The following DYNC1I1 variants were observed in gnomAD, a reference collection of about 807,000 sequenced individuals.
DYNC1I1 encodes the protein cytoplasmic dynein 1 intermediate chain 1.
DYNC1I1 carries 43 observed loss-of-function variants against 86.6 expected under a neutral mutation model. The ratio of observed to expected loss-of-function variants is 0.50; its 90% CI spans 0.39 to 0.64. The LOEUF (loss-of-function observed/expected upper bound fraction) is 0.64. Ranked by LOEUF, DYNC1I1 falls within the 30% of genes least tolerant of loss-of-function variation. The probability of loss-of-function intolerance (pLI) is 0.00; values close to 1 mark genes in which losing one functional copy is unlikely to be tolerated. For synonymous variants in DYNC1I1, 262 were observed against 283.7 expected, an observed-to-expected ratio of 0.92 and a Z score of 0.77; for missense variants, 604 against 788.8, an observed-to-expected ratio of 0.77 and a Z score of 2.81.
intron 14 of DYNC1I1, among the ~76,000 whole-genome samples, chr7:96,069,844 T>C (rs1790108705): frequency 6.6e-6 from 1 of 152,226 alleles, no homozygotes; most frequent in Non-Finnish European, 1.5e-5. Flanking sequence ...GTGGCTTCAG[T>C]ACTTATTTAG....
At position 96,076,112 on chromosome 7, in the gene DYNC1I1, T is replaced by C. The variant is rs762146134; in HGVS notation, c.1565T>C (p.Met522Thr). The change falls in exon 15 of 17, where the codon ATG becomes ACG. Residue 522 changes from methionine (M) to threonine (T), a missense_variant. Met to Thr is a moderately conservative substitution (Grantham distance 81). Coordinates refer to ENST00000447467, the MANE Select transcript of DYNC1I1 (RefSeq NM_001135556.2). ...AATGCAGACTATGTGTACGATGTCA[T>C]GTGGTCCCCCGTGCATCCTGCGCTT... is the stretch of plus-strand genomic sequence containing the variant. ...EDNADYVYDV[M>T]WSPVHPALFA... The C allele has an allele frequency of 3.1e-6, 5 of 1,614,228 alleles. No homozygotes were observed. The highest frequency in any genetic ancestry group is 1.6e-4 in the Middle Eastern group (1 of 6,062).
intron 10 of DYNC1I1, among the ~76,000 whole-genome samples, chr7:96,008,098 A>G (rs1794186503): frequency 1.3e-5 from 2 of 152,212 alleles, no homozygotes; most frequent in Non-Finnish European, 2.9e-5. Flanking sequence ...CATGAACAAC[A>G]AACCCATATT....
At chr7:95,860,896 A>G in intron 5 of DYNC1I1, among the ~76,000 whole-genome samples, 1 of 152,086 alleles carries the variant, frequency 6.6e-6, no homozygotes, top group East Asian at 1.9e-4. Flanking sequence ...TCATGATGTA[A>G]TTACTTTCTA....
chr7:95,934,559 T>C (rs1791988756), intron 6 of DYNC1I1, among the ~76,000 whole-genome samples: 1 of 151,980 alleles, frequency 6.6e-6, no homozygotes, highest in African/African-American at 2.4e-5. Flanking sequence ...TAGTTTGTTG[T>C]CTTGGCTTCA....
chr7:96,005,445 C>T (rs970284958), intron 10 of DYNC1I1, among the ~76,000 whole-genome samples: 1 of 152,096 alleles, frequency 6.6e-6, no homozygotes, highest in African/African-American at 2.4e-5. Context: ...GGTGGGCGCT[C>T]TTTGTGAACA....
intron 6 of DYNC1I1, among the ~76,000 whole-genome samples, chr7:95,909,429 G>A (rs1194121059): frequency 1.3e-5 from 2 of 151,950 alleles, no homozygotes; most frequent in Admixed American, 1.3e-4. Context: ...GTGTTTATTG[G>A]GCATCTTCTG....
At position 95,810,444 on chromosome 7, in the gene DYNC1I1, G is replaced by T. The variant is rs377495263; in HGVS notation, c.161G>T (p.Arg54Leu). 6.2e-7 allele frequency: 1 copy of T among 1,612,950 alleles called. No individual in the cohort carries two copies. The highest frequency in any genetic ancestry group is 8.5e-7 in the Non-Finnish European group (1 of 1,179,324). ...EPVQDDSDLD[R>L]KRRETEALLQ... is the part of the protein sequence containing the mutation. Reference sequence around the variant, plus strand: ...GTTCAGGACGACTCTGATCTGGATCGCAAACGACGAGAGACAGAGGCTTTG... The same window carrying T: ...GTTCAGGACGACTCTGATCTGGATCTCAAACGACGAGAGACAGAGGCTTTG... Residue 54 changes from arginine to leucine, a missense_variant, in exon 3 of 17, where the codon CGC becomes CTC. Physicochemically the swap from Arg to Leu is moderately radical, Grantham distance 102. Transcript: ENST00000447467.
chr7:95,961,174 G>T (rs1792857376), intron 6 of DYNC1I1, among the ~76,000 whole-genome samples: 1 of 152,162 alleles, frequency 6.6e-6, no homozygotes, highest in African/African-American at 2.4e-5. Flanking sequence ...CATTGGAATT[G>T]GGGCTTCTCT....
intron 16 of DYNC1I1, among the ~76,000 whole-genome samples, chr7:96,082,035 C>T (rs1790535590): frequency 1.3e-5 from 2 of 152,160 alleles, no homozygotes; most frequent in South Asian, 4.1e-4. Flanking sequence ...ATATTGGCCC[C>T]AGTGGTGAAG....
intron 5 of DYNC1I1, among the ~76,000 whole-genome samples, chr7:95,857,081 G>T (rs967415778): frequency 6.6e-6 from 1 of 152,206 alleles, no homozygotes; most frequent in Non-Finnish European, 1.5e-5. Flanking sequence ...TGATGTCATG[G>T]AGAAGACGCT....
intron 9 of DYNC1I1, among the ~76,000 whole-genome samples, chr7:95,992,534 G>C (rs546005812): frequency 6.6e-6 from 1 of 152,000 alleles, no homozygotes; most frequent in Non-Finnish European, 1.5e-5. Flanking sequence ...TACCTTAGAG[G>C]GTTATGAGGA....
At chr7:95,794,444 C>A (rs1794385579) in intron 1 of DYNC1I1, among the ~76,000 whole-genome samples, 1 of 152,126 alleles carries the variant, frequency 6.6e-6, no homozygotes, top group African/African-American at 2.4e-5. Flanking sequence ...CAAAGAGAAG[C>A]ATATTGAATC....
chr7:95,963,246 C>T (rs1792920960), intron 6 of DYNC1I1, among the ~76,000 whole-genome samples: 1 of 152,142 alleles, frequency 6.6e-6, no homozygotes, highest in Admixed American at 6.5e-5. Flanking sequence ...AACCTCACCC[C>T]TATTTAATTT....
At chr7:96,039,966 G>T (rs1351304242) in intron 14 of DYNC1I1, among the ~76,000 whole-genome samples, 1 of 152,116 alleles carries the variant, frequency 6.6e-6, no homozygotes, top group East Asian at 1.9e-4. Context: ...GGGAGCTGTG[G>T]CTCACATCTG....
intron 13 of DYNC1I1, among the ~76,000 whole-genome samples, chr7:96,036,910 G>T (rs1309511198): frequency 1.3e-5 from 2 of 152,146 alleles, no homozygotes; most frequent in Admixed American, 6.6e-5. Flanking sequence ...TTTTGAAAGG[G>T]TCACTATGTT....
rs561438519 is a variant in DYNC1I1 at position 95,901,423 on chromosome 7, C to T, written c.490+31425C>T. ...TACCTTTACTTTTTAAGAATAATCA[C>T]AAATGAGTGAGAGCTACACTGTATT... On this transcript the variant is annotated intron_variant, in intron 6 of 16. Coordinates refer to ENST00000447467, the MANE Select transcript of DYNC1I1 (RefSeq NM_001135556.2). Among the ~76,000 whole-genome samples the T allele has an allele frequency of 3.3e-5, 5 of 152,244 alleles. No individual in the cohort carries two copies. The South Asian group carries it at 1.0e-3, about 32-fold the overall frequency.
intron 6 of DYNC1I1, among the ~76,000 whole-genome samples, chr7:95,891,701 G>A (rs1248530184): frequency 6.6e-6 from 1 of 152,190 alleles, no homozygotes; most frequent in Non-Finnish European, 1.5e-5. Context: ...TAAATTGGGG[G>A]AAAGGGAGCA....
intron 16 of DYNC1I1, among the ~76,000 whole-genome samples, chr7:96,088,985 C>T (rs2116305867): frequency 1.3e-5 from 2 of 152,004 alleles, no homozygotes; most frequent in East Asian, 3.9e-4. Context: ...AATCAGTGGC[C>T]CATTTCTAAG....
intron 14 of DYNC1I1, among the ~76,000 whole-genome samples, chr7:96,040,844 C>T (rs2116046401): frequency 6.6e-6 from 1 of 152,078 alleles, no homozygotes; most frequent in Non-Finnish European, 1.5e-5. Flanking sequence ...GCCTCAACCT[C>T]CCTAGCAGCT....
Sources: gnomAD v4.1 joint callset for allele counts (sites outside exome capture counted in the v4.1 genomes callset) on GRCh38, gnomAD v4.1.1 for gene constraint, MANE v1.5 for transcripts, NCBI Gene and HGNC (gene_info 2026-07-23, HGNC 2026-07-21) for gene names.